KIAA1328: variants seen among roughly 807,000 people sequenced by gnomAD.
KIAA1328 encodes protein hinderin.
Under a neutral mutation model 68.1 loss-of-function variants are expected in KIAA1328, and 52 were observed. That is an observed-to-expected ratio of 0.76 (90% confidence interval 0.61 to 0.96). The LOEUF is 0.96. Among genes scored for constraint, KIAA1328 ranks in the 40% least tolerant of loss-of-function variants. The pLI, the probability that KIAA1328 is intolerant of heterozygous loss-of-function variation, is 0.00. For missense variants in KIAA1328, 641 were observed against 677.6 expected, an observed-to-expected ratio of 0.95 and a Z score of 0.60; for synonymous variants, 232 against 239.4, an observed-to-expected ratio of 0.97 and a Z score of 0.28.
At chr18:37,175,534 T>C (rs189501638) in intron 9 of KIAA1328, among the ~76,000 whole-genome samples, 4 of 152,234 alleles carry the variant, frequency 2.6e-5, no homozygotes, top group African/African-American at 9.6e-5. Flanking sequence ...TAGCACACCA[T>C]ATTTTATCTT....
At chr18:37,150,195 T>C (rs1049999436) in intron 7 of KIAA1328, among the ~76,000 whole-genome samples, 1 of 152,100 alleles carries the variant, frequency 6.6e-6, no homozygotes, top group South Asian at 2.1e-4. Flanking sequence ...AGAAATAATA[T>C]CAATCTTACA....
intron 7 of KIAA1328, among the ~76,000 whole-genome samples, chr18:37,096,631 G>T (rs1346994660): frequency 6.6e-6 from 1 of 152,108 alleles, no homozygotes; most frequent in African/African-American, 2.4e-5. Context: ...TTTCTAGTTC[G>T]AGATCCCTGG....
At chr18:37,101,238 G>A (rs926752433) in intron 7 of KIAA1328, among the ~76,000 whole-genome samples, 4 of 152,064 alleles carry the variant, frequency 2.6e-5, no homozygotes, top group South Asian at 2.1e-4. Flanking sequence ...GAGGAAGTTC[G>A]AAGCCATGGC....
At chr18:37,150,936 C>T (rs2059015505) in intron 7 of KIAA1328, among the ~76,000 whole-genome samples, 1 of 152,060 alleles carries the variant, frequency 6.6e-6, no homozygotes, top group Admixed American at 6.6e-5. Context: ...CACTTTTATT[C>T]AGCATTGTCT....
chr18:37,160,335 T>C lies in KIAA1328; in HGVS notation c.1368T>C (p.Asp456=), dbSNP rs1487843567. 2.5e-6 allele frequency: 4 copies of C among 1,613,510 alleles called. No homozygotes were observed. Among genetic ancestry groups the C allele is most frequent in the Admixed American group, 3.3e-5 (2 of 59,978 alleles). The change falls in exon 8 of 10, where the codon GAT becomes GAC. Residue 456 remains aspartate (D), a synonymous_variant. Coordinates refer to ENST00000280020, the MANE Select transcript of KIAA1328 (RefSeq NM_020776.3). The part of the protein sequence containing the change: ...TVGFHSHMKD[D]AQWSCQKKDT... ...GGTTTCATTCGCATATGAAAGATGA[T>C]GCCCAGTGGTCATGTCAAAAGAAAG...
At chr18:37,111,986 C>T (rs573227156) in intron 7 of KIAA1328, among the ~76,000 whole-genome samples, 1 of 152,282 alleles carries the variant, frequency 6.6e-6, no homozygotes, top group Non-Finnish European at 1.5e-5. Context: ...GGACGTCCGC[C>T]ATTGCTAAGG....
At chr18:36,893,258 C>G (rs2048749438) in intron 5 of KIAA1328, among the ~76,000 whole-genome samples, 1 of 151,984 alleles carries the variant, frequency 6.6e-6, no homozygotes, top group Non-Finnish European at 1.5e-5. Flanking sequence ...CTCTTTTTCT[C>G]TCTCTCTTTC....
intron 7 of KIAA1328, among the ~76,000 whole-genome samples, chr18:37,104,729 C>T (rs544034454): frequency 3.5e-4 from 42 of 120,820 alleles, no homozygotes; most frequent in African/African-American, 1.5e-3. Flanking sequence ...ACATTGTATG[C>T]GTGCATCAAA....
At chr18:37,185,132 C>T (rs1178811969) in intron 9 of KIAA1328, among the ~76,000 whole-genome samples, 1 of 151,288 alleles carries the variant, frequency 6.6e-6, no homozygotes, top group Non-Finnish European at 1.5e-5. Context: ...CGCCACTGCA[C>T]TCCAGCCTGG....
chr18:37,020,388 G>T (rs954124148), intron 6 of KIAA1328, among the ~76,000 whole-genome samples: 2 of 152,218 alleles, frequency 1.3e-5, no homozygotes, highest in African/African-American at 4.8e-5. Flanking sequence ...CTCCCAAAAT[G>T]CTGGGATTAC....
chr18:36,887,657 G>T (rs1183630895), intron 5 of KIAA1328, among the ~76,000 whole-genome samples: 3 of 152,130 alleles, frequency 2.0e-5, no homozygotes, highest in East Asian at 3.9e-4. Context: ...ATGTGGCCAT[G>T]GTAGGCTGCA....
chr18:37,043,466 C>T (rs576764972), intron 6 of KIAA1328, among the ~76,000 whole-genome samples: 1 of 152,146 alleles, frequency 6.6e-6, no homozygotes, highest in African/African-American at 2.4e-5. Flanking sequence ...GGGTTTGTCT[C>T]CCCTGCAACA....
intron 5 of KIAA1328, among the ~76,000 whole-genome samples, chr18:36,921,518 C>G (rs773723276): frequency 2.0e-5 from 3 of 152,126 alleles, no homozygotes; most frequent in Non-Finnish European, 4.4e-5. Context: ...ATTCCTCTGC[C>G]TCAGCCTCCC....
intron 4 of KIAA1328, among the ~76,000 whole-genome samples, chr18:36,856,438 C>T (rs1000164707): frequency 6.6e-6 from 1 of 152,114 alleles, no homozygotes; most frequent in African/African-American, 2.4e-5. Flanking sequence ...CTTGTGCCTT[C>T]TCACATCTGC....
Position 37,102,623 on chromosome 18 carries a change from A to C in KIAA1328, c.1232+35078A>C, listed in dbSNP as rs11872832. Among the ~76,000 whole-genome samples the C allele has an allele frequency of 1.1e-3, 172 of 152,326 alleles. 1 individual carries two copies. The highest frequency in any genetic ancestry group is 4.0e-3 in the African/African-American group (165 of 41,578). On this transcript the variant is annotated intron_variant, in intron 7 of 9. Transcript: ENST00000280020. ...GTATGACAAACCCACAGCTAATACC[A>C]CACCAAATGGGGAAAAGCTGAAAGT...
chr18:37,164,120 T>C (rs2059337873), intron 8 of KIAA1328, among the ~76,000 whole-genome samples: 7 of 152,196 alleles, frequency 4.6e-5, no homozygotes. Context: ...AGTTTACTTT[T>C]TTATTATATA....
intron 4 of KIAA1328, among the ~76,000 whole-genome samples, chr18:36,851,442 T>A (rs952647599): frequency 1.3e-5 from 2 of 151,768 alleles, no homozygotes; most frequent in Non-Finnish European, 2.9e-5. Flanking sequence ...CTGGATTGTC[T>A]TTGTTGGGAA....
intron 9 of KIAA1328, among the ~76,000 whole-genome samples, chr18:37,187,420 A>G (rs1262654979): frequency 6.6e-6 from 1 of 152,150 alleles, no homozygotes; most frequent in Non-Finnish European, 1.5e-5. Flanking sequence ...ATTAGAGTGA[A>G]AAAGAAAATT....
intron 7 of KIAA1328, among the ~76,000 whole-genome samples, chr18:37,141,656 G>C (rs1251398521): frequency 6.6e-6 from 1 of 152,144 alleles, no homozygotes. Flanking sequence ...ATTTTCAACT[G>C]TACATGAAAC....
Sources: gnomAD v4.1 joint callset for allele counts (sites outside exome capture counted in the v4.1 genomes callset) on GRCh38, gnomAD v4.1.1 for gene constraint, MANE v1.5 for transcripts, NCBI Gene and HGNC (gene_info 2026-07-23, HGNC 2026-07-21) for gene names.